BCAS3: variants seen among roughly 807,000 people sequenced by gnomAD.
BCAS3 encodes the protein BCAS4/BCAS3 fusion.
A neutral mutation model predicts 116.1 loss-of-function variants in BCAS3; 53 were observed. The observed-to-expected ratio is 0.46, with a 90% CI of 0.37 to 0.57. The LOEUF (loss-of-function observed/expected upper bound fraction) is 0.57. Among genes scored for constraint, BCAS3 ranks in the 20% least tolerant of loss-of-function variants. BCAS3 has a pLI of 0.00. For synonymous variants in BCAS3, 391 were observed against 408.2 expected (o/e 0.96, Z 0.51); for missense variants, 917 against 1,165.4 (o/e 0.79, Z 3.10).
intron 3 of BCAS3, among the ~76,000 whole-genome samples, chr17:60,684,437 T>C (rs1441653216): frequency 1.3e-5 from 2 of 152,178 alleles, no homozygotes; most frequent in African/African-American, 4.8e-5. Context: ...ATCTCTTTTA[T>C]ATTGAGCAGC....
chr17:60,994,324 C>G lies in BCAS3; in HGVS notation c.1486+4089C>G, dbSNP rs1474265388. ...CACTTTATTTTTAATATATTGATAA[C>G]TGTACTTCAGTATAGTTCATTTTCT... On this transcript the variant is annotated intron_variant, in intron 15 of 23. Coordinates refer to ENST00000407086, the MANE Select transcript of BCAS3 (RefSeq NM_017679.5). This position sits in a 1 kb window ranked among gnomAD's most constrained non-coding sequence, Gnocchi z 4.4. Among the ~76,000 whole-genome samples, 2 of 151,798 alleles carry G rather than the reference C, an allele frequency of 1.3e-5. No individual in the cohort carries two copies. Among genetic ancestry groups the G allele is most frequent in the Non-Finnish European group, 2.9e-5 (2 of 67,938 alleles).
intron 22 of BCAS3, among the ~76,000 whole-genome samples, chr17:61,110,763 C>CCT (rs1313769594): frequency 4.6e-5 from 7 of 151,186 alleles, no homozygotes; most frequent in South Asian, 2.1e-4. Flanking sequence ...GGCCTGCCTG[C>CCT]CTCTGTAGGC....
chr17:60,861,816 A>G lies in BCAS3; in HGVS notation c.477-6760A>G, dbSNP rs373674025. Among the ~76,000 whole-genome samples the G allele has an allele frequency of 5.3e-5, 8 of 152,174 alleles. No individual in the cohort carries two copies. The East Asian group carries it at 5.8e-4, about 11-fold the overall frequency. Reference sequence around the variant, plus strand: ...TATTGTTTTGAATATGTTGAACCAAACTTGCATCCCAGGAATAAAGCTTAC... The same window carrying G: ...TATTGTTTTGAATATGTTGAACCAAGCTTGCATCCCAGGAATAAAGCTTAC... On this transcript the variant is annotated intron_variant, in intron 7 of 23. Coordinates refer to ENST00000407086, the MANE Select transcript of BCAS3 (RefSeq NM_017679.5).
chr17:61,121,243 T>C (rs1191818873), intron 22 of BCAS3, among the ~76,000 whole-genome samples: 1 of 152,306 alleles, frequency 6.6e-6, no homozygotes, highest in African/African-American at 2.4e-5. Context: ...TATATAGATA[T>C]ATCAGCTGTT....
chr17:61,149,575 T>C (rs1221394087), intron 22 of BCAS3, among the ~76,000 whole-genome samples: 1 of 152,176 alleles, frequency 6.6e-6, no homozygotes, highest in Non-Finnish European at 1.5e-5. Flanking sequence ...TTGAGAAACA[T>C]ATGAGAGATT....
chr17:60,739,244 A>T (rs187942960), intron 5 of BCAS3, among the ~76,000 whole-genome samples: 1 of 152,342 alleles, frequency 6.6e-6, no homozygotes, highest in Admixed American at 6.5e-5. Flanking sequence ...AATACCACAC[A>T]TATATACATA....
intron 5 of BCAS3, among the ~76,000 whole-genome samples, chr17:60,715,670 T>C (rs1232694341): frequency 6.6e-6 from 1 of 151,680 alleles, no homozygotes; most frequent in East Asian, 2.0e-4. Flanking sequence ...GTATTTTTAG[T>C]AGAGATGGGG....
At position 61,106,382 on chromosome 17, in the gene BCAS3, C is replaced by T. The variant is rs1395212037; in HGVS notation, c.2425+21818C>T. 6.6e-6 allele frequency among the ~76,000 whole-genome samples: 1 copy of T among 152,164 alleles called. No individual in the cohort carries two copies. Among genetic ancestry groups the T allele is most frequent in the African/African-American group, 2.4e-5 (1 of 41,436 alleles). On this transcript the variant is annotated intron_variant, in intron 22 of 23. Coordinates refer to ENST00000407086, the MANE Select transcript of BCAS3 (RefSeq NM_017679.5). This position sits in a 1 kb window ranked among gnomAD's most constrained non-coding sequence, Gnocchi z 4.2. ...AATACTGACCATTGTGTTACAGTTG[C>T]CTACAGTATTCGGTACAGTAACATA...
At chr17:61,078,114 A>T (rs569512427) in intron 20 of BCAS3, among the ~76,000 whole-genome samples, 2 of 152,240 alleles carry the variant, frequency 1.3e-5, no homozygotes, top group East Asian at 3.9e-4. Flanking sequence ...CACAAAATGT[A>T]TTTTTGGCTT....
Position 61,366,896 on chromosome 17 carries a change from T to G in BCAS3, c.2426-1431T>G, listed in dbSNP as rs1205617990. ...TCGCAGCAGGCTGGCCAAGGGCCTT[T>G]GTCTGGCCAGGAGAGTTCAGGATTA... On this transcript the variant is annotated intron_variant, in intron 22 of 23. Transcript: ENST00000407086. This position sits in a 1 kb window ranked among gnomAD's most constrained non-coding sequence, Gnocchi z 4.5. Among the ~76,000 whole-genome samples, 1 of 152,222 alleles carries G rather than the reference T, an allele frequency of 6.6e-6. No homozygotes were observed. The highest frequency in any genetic ancestry group is 2.4e-5 in the African/African-American group (1 of 41,460).
At chr17:60,921,661 A>G (rs1171438871) in intron 12 of BCAS3, among the ~76,000 whole-genome samples, 2 of 151,446 alleles carry the variant, frequency 1.3e-5, no homozygotes, top group South Asian at 2.1e-4. Context: ...GGACATAAAC[A>G]TGGGAACTAT....
At chr17:60,922,697 G>A (rs2059168911) in intron 12 of BCAS3, among the ~76,000 whole-genome samples, 1 of 152,278 alleles carries the variant, frequency 6.6e-6, no homozygotes, top group South Asian at 2.1e-4. Context: ...TAGAACAGAT[G>A]CTTGGCCATG....
chr17:60,753,708 C>T (rs900116181), intron 6 of BCAS3, among the ~76,000 whole-genome samples: 3 of 152,096 alleles, frequency 2.0e-5, no homozygotes, highest in Admixed American at 6.6e-5. Flanking sequence ...CACGCTCTGC[C>T]GCGTCTTCTT....
chr17:61,046,845 TATA>T (rs2068403490), intron 19 of BCAS3, among the ~76,000 whole-genome samples: 2 of 151,994 alleles, frequency 1.3e-5, no homozygotes, highest in South Asian at 4.2e-4. Flanking sequence ...CTCCGGAAAT[TATA>T]ATAATAGTAG....
intron 7 of BCAS3, chr17:60,811,548 A>T (rs943973943): frequency 5.5e-6 from 2 of 362,168 alleles, no homozygotes; most frequent in Admixed American, 3.7e-5. Flanking sequence ...AAGAAATCTT[A>T]TGTGGTTGTC....
At chr17:60,971,565 A>G (rs956364570) in intron 14 of BCAS3, among the ~76,000 whole-genome samples, 5 of 152,176 alleles carry the variant, frequency 3.3e-5, no homozygotes, top group African/African-American at 1.2e-4. Flanking sequence ...TTATACAGCT[A>G]TCAAGGCCCA....
chr17:60,795,712 C>T (rs755339694), intron 6 of BCAS3, among the ~76,000 whole-genome samples: 80 of 152,152 alleles, frequency 5.3e-4, no homozygotes, highest in Admixed American at 7.9e-4. Context: ...GTTTGTTTGG[C>T]GGAGTCTCGC....
rs1288146254 is a variant in BCAS3, at chr17:61,034,723, T to C, written c.1695T>C (p.Cys565=). The C allele has an allele frequency of 1.9e-6, 3 of 1,612,800 alleles. No homozygotes were observed. The Admixed American group carries it at 5.0e-5, about 27-fold the overall frequency. The change falls in exon 17 of 24, where the codon TGT becomes TGC. Residue 565 remains cysteine, a synonymous_variant. Coordinates refer to ENST00000407086, the MANE Select transcript of BCAS3 (RefSeq NM_017679.5). The surrounding 1 kb of genome is among the most constrained non-coding windows in gnomAD (Gnocchi z 5.0). ...GCAAATCGATGGGCGGAGAATTTTG[T>C]GTGGCTGCTATCTTCGGAACATCCA... is the stretch of plus-strand genomic sequence containing the variant. ...SPSKSMGGEF[C]VAAIFGTSRS...
Position 61,215,277 on chromosome 17 carries a change from C to CT in BCAS3, c.2425+130714dup, listed in dbSNP as rs1260659763. Among the ~76,000 whole-genome samples the CT allele has an allele frequency of 2.0e-5, 3 of 152,132 alleles. No individual in the cohort carries two copies. Among genetic ancestry groups the CT allele is most frequent in the African/African-American group, 7.2e-5 (3 of 41,430 alleles). ...TTTCAGAGTCACTAGCAAAAGAAAA[C>CT]TACTTTCTTAGTTGATTCTTTTTGC... On this transcript the variant is annotated intron_variant, in intron 22 of 23. Transcript: ENST00000407086. The surrounding 1 kb of genome is among the most constrained non-coding windows in gnomAD (Gnocchi z 4.8).
Sources: allele counts gnomAD v4.1 joint callset (sites outside exome capture counted in the v4.1 genomes callset), GRCh38; gene constraint gnomAD v4.1.1; non-coding constraint Gnocchi (gnomAD v3.1); transcripts MANE v1.5; gene names NCBI Gene and HGNC (gene_info 2026-07-23, HGNC 2026-07-21).